NUDC: variants seen among roughly 807,000 people sequenced by gnomAD.
NUDC encodes nuclear distribution C, dynein complex regulator.
NUDC carries 14 observed loss-of-function variants against 45.0 expected under a neutral mutation model. The observed-to-expected ratio is 0.31, with a 90% CI of 0.21 to 0.49. The LOEUF is 0.49. NUDC is among the 20% of genes least tolerant of loss of function. The probability of loss-of-function intolerance (pLI) is 0.99; values close to 1 mark genes in which losing one functional copy is unlikely to be tolerated. For missense variants in NUDC, 323 were observed against 426.2 expected (o/e 0.76, Z 2.13); for synonymous variants, 153 against 156.7 (o/e 0.98, Z 0.17).
At chr1:26,911,790 C>A (rs2082028389) in intron 3 of NUDC, 11 of 1,612,768 alleles carry the variant, frequency 6.8e-6, no homozygotes, top group Non-Finnish European at 6.8e-6. Flanking sequence ...GATGGCCAGG[C>A]TGAATCAGCA....
At chr1:26,923,505 C>A (rs748760043) in intron 1 of NUDC, among the ~76,000 whole-genome samples, 1 of 151,816 alleles carries the variant, frequency 6.6e-6, no homozygotes, top group Non-Finnish European at 1.5e-5. Context: ...AGACAAGAGT[C>A]TCTCACCCAG....
intron 2 of NUDC, among the ~76,000 whole-genome samples, chr1:26,926,852 G>A (rs887765699): frequency 1.3e-5 from 2 of 152,174 alleles, no homozygotes; most frequent in Admixed American, 1.3e-4. Context: ...CCCAGCCTCA[G>A]CCTCCCAAAG....
At position 26,925,970 on chromosome 1, in the gene NUDC, C is replaced by T. The variant is rs143964217; in HGVS notation, c.159+1804C>T. On this transcript the variant is annotated intron_variant, in intron 2 of 8. Coordinates refer to ENST00000321265, the MANE Select transcript of NUDC (RefSeq NM_006600.4). ...CTCCCAACCTCAGGTGATCTGCCTG[C>T]CTTGGCCTCCCGAAGTGCTGGGATT... Among the ~76,000 whole-genome samples, 14 of 152,094 alleles carry T rather than the reference C, an allele frequency of 9.2e-5. No individual in the cohort carries two copies. In the East Asian group the frequency reaches 2.7e-3, roughly 29 times the overall value.
chr1:26,908,384 C>T (rs1418953040), intron 2 of NUDC, among the ~76,000 whole-genome samples: 8 of 152,078 alleles, frequency 5.3e-5, no homozygotes, highest in African/African-American at 4.8e-5. Flanking sequence ...CACATTGTAC[C>T]GTAATTATCT....
At chr1:26,903,826 C>T (rs991097885) in intron 2 of NUDC, among the ~76,000 whole-genome samples, 13 of 151,570 alleles carry the variant, frequency 8.6e-5, no homozygotes, top group African/African-American at 2.2e-4. Context: ...CTGGCTAACA[C>T]GGTGAAACCC....
chr1:26,906,132 T>C lies in NUDC; in HGVS notation c.-16+3766T>C, dbSNP rs2082001813. Among the ~76,000 whole-genome samples, 3 of 152,016 alleles carry C rather than the reference T, an allele frequency of 2.0e-5. No homozygotes were observed. The South Asian group carries it at 6.2e-4, about 31-fold the overall frequency. Reference sequence around the variant, plus strand: ...CCCGTCTCTACTAAAAATACACAATTAGCAGGGCGTGGTGGCGCATGCCTG... The same window carrying C: ...CCCGTCTCTACTAAAAATACACAATCAGCAGGGCGTGGTGGCGCATGCCTG... On this transcript the variant is annotated intron_variant, in intron 2 of 6. Transcript: ENST00000435827.
chr1:26,912,731 C>G (rs1017916704), intron 3 of NUDC, among the ~76,000 whole-genome samples: 1 of 152,124 alleles, frequency 6.6e-6, no homozygotes, highest in African/African-American at 2.4e-5. Context: ...TCTGAACCCA[C>G]AGAGGAGTTT....
intron 3 of NUDC, among the ~76,000 whole-genome samples, chr1:26,912,408 TAA>T (rs1056960642): frequency 7.2e-5 from 11 of 152,278 alleles, no homozygotes; most frequent in African/African-American, 2.6e-4. Context: ...TCTTTATCTG[TAA>T]AACGGGAATA....
At chr1:26,921,622 A>G, upstream of NUDC, 1 of 589,004 alleles carries the variant, frequency 1.7e-6, no homozygotes, top group Non-Finnish European at 3.0e-6. Context: ...ATGTCGACCA[A>G]TGGTCGGCGA....
intron 2 of NUDC, among the ~76,000 whole-genome samples, chr1:26,932,012 A>T (rs113752290): frequency 0.014 from 2,030 of 143,010 alleles, 44 homozygotes; most frequent in African/African-American, 0.049. Flanking sequence ...ATTTTTATTT[A>T]ATTTATTTAT....
intron 2 of NUDC, among the ~76,000 whole-genome samples, chr1:26,910,084 G>A (rs530945589): frequency 4.1e-4 from 62 of 152,254 alleles, no homozygotes; most frequent in African/African-American, 1.5e-3. Context: ...TTACTATGAC[G>A]CAGGGAAGAT....
intron 1 of NUDC, among the ~76,000 whole-genome samples, chr1:26,923,632 T>C (rs1326087827): frequency 6.6e-6 from 1 of 152,048 alleles, no homozygotes; most frequent in Non-Finnish European, 1.5e-5. Flanking sequence ...ACCTGTAATC[T>C]AGCTAATTTT....
chr1:26,922,860 C>G (rs1247354587), intron 1 of NUDC, among the ~76,000 whole-genome samples: 2 of 152,172 alleles, frequency 1.3e-5, no homozygotes, highest in Non-Finnish European at 2.9e-5. Context: ...GAGAGTGTTT[C>G]TCATTTGCAA....
At chr1:26,905,157 A>ATTTTTTTTT (rs71007901) in intron 2 of NUDC, among the ~76,000 whole-genome samples, 4 of 84,282 alleles carry the variant, frequency 4.7e-5, no homozygotes, top group East Asian at 4.1e-4. Context: ...TATTATTATT[A>ATTTTTTTTT]TTTTTTTTTT....
chr1:26,912,510 G>T (rs574835268), intron 3 of NUDC, among the ~76,000 whole-genome samples: 2 of 152,186 alleles, frequency 1.3e-5, no homozygotes, highest in South Asian at 2.1e-4. Flanking sequence ...CTAACATATG[G>T]TAAGTGTGAT....
At chr1:26,913,787 G>A in intron 3 of NUDC, 1 of 1,553,704 alleles carries the variant, frequency 6.4e-7, no homozygotes, top group Non-Finnish European at 8.7e-7. Context: ...GTGCGATGAG[G>A]TGCACATAGC....
intron 2 of NUDC, among the ~76,000 whole-genome samples, chr1:26,932,727 C>T (rs760131913): frequency 9.9e-5 from 15 of 152,146 alleles, no homozygotes; most frequent in Non-Finnish European, 2.1e-4. Flanking sequence ...AAACCCTGTA[C>T]CCATTAAGCA....
At chr1:26,942,460 G>T (rs2082285347) in intron 4 of NUDC, among the ~76,000 whole-genome samples, 200 bp from the exon 5 acceptor site, 1 of 152,192 alleles carries the variant, frequency 6.6e-6, no homozygotes, top group Non-Finnish European at 1.5e-5. Flanking sequence ...GCTCCTCTCA[G>T]ACTGAGATCA....
intron 3 of NUDC, among the ~76,000 whole-genome samples, chr1:26,915,384 C>T (rs1401440693): frequency 1.3e-5 from 2 of 152,118 alleles, no homozygotes; most frequent in Non-Finnish European, 2.9e-5. Context: ...GTGATCTGGG[C>T]AGAAGTGTTG....
Sources: gnomAD v4.1 joint callset for allele counts (sites outside exome capture counted in the v4.1 genomes callset) on GRCh38, gnomAD v4.1.1 for gene constraint, MANE v1.5 for transcripts, NCBI Gene and HGNC (gene_info 2026-07-23, HGNC 2026-07-21) for gene names.